The following AAK1 variants were observed in gnomAD, a reference collection of about 807,000 sequenced individuals.
The protein encoded by AAK1 is AP2-associated protein kinase 1.
In AAK1, 37 loss-of-function variants were observed where a neutral mutation model predicts 116.0. That is an observed-to-expected ratio of 0.32 (90% CI 0.25 to 0.42). The LOEUF is 0.42. Ranked by LOEUF, AAK1 falls within the 10% of genes least tolerant of loss-of-function variation. AAK1 has a pLI of 1.00. For missense variants in AAK1, 919 were observed against 1,170.6 expected, an observed-to-expected ratio of 0.79 and a Z score of 3.14; for synonymous variants, 458 against 439.9, an observed-to-expected ratio of 1.04 and a Z score of -0.51.
chr2:69,582,945 A>G (rs1672609161), intron 2 of AAK1, among the ~76,000 whole-genome samples: 1 of 152,182 alleles, frequency 6.6e-6, no homozygotes, highest in Non-Finnish European at 1.5e-5. Context: ...TTGACTGTGC[A>G]GTTACACCCA....
chr2:69,535,352 C>T (rs939993044), intron 5 of AAK1, among the ~76,000 whole-genome samples: 7 of 152,072 alleles, frequency 4.6e-5, no homozygotes, highest in Non-Finnish European at 8.8e-5. Flanking sequence ...TACGTACCCA[C>T]AAAAATTAAA....
intron 17 of AAK1, among the ~76,000 whole-genome samples, chr2:69,495,127 C>T (rs1045655163): frequency 3.3e-5 from 5 of 152,174 alleles, no homozygotes; most frequent in Admixed American, 6.5e-5. Context: ...CTGTCAACTG[C>T]TTCTAAGGAG....
intron 8 of AAK1, among the ~76,000 whole-genome samples, chr2:69,529,584 G>A (rs1159889325): frequency 1.3e-5 from 2 of 152,110 alleles, no homozygotes; most frequent in South Asian, 2.1e-4. Context: ...CTGGTTCCAC[G>A]GAGTTATATA....
chr2:69,482,880 A>G, intron 17 of AAK1, 68 bp from the exon 18 acceptor site: 2 of 961,294 alleles, frequency 2.1e-6, no homozygotes, highest in Non-Finnish European at 1.6e-6. Flanking sequence ...CGGATCATTC[A>G]CTATTCTTTA....
Position 69,475,415 on chromosome 2 carries a change from G to A in AAK1, c.*454C>T. On this transcript the variant is annotated 3_prime_UTR_variant, in exon 22 of 22. Transcript: ENST00000409085. ...GCCATGTCCTCATGATAATGCATCA[G>A]GATAAAAAGCAAAAACAGGGAAATA... 2 of 998,022 alleles carry A rather than the reference G, an allele frequency of 2.0e-6. No individual in the cohort carries two copies. The highest frequency in any genetic ancestry group is 2.4e-6 in the Non-Finnish European group (2 of 837,046). The allele number at this position is 998,022 out of a possible 1,614,324, so 61.8% of individuals were successfully genotyped here.
chr2:69,548,575 T>C (rs1558952611), intron 3 of AAK1, among the ~76,000 whole-genome samples: 2 of 149,924 alleles, frequency 1.3e-5, no homozygotes, highest in Non-Finnish European at 1.5e-5. Context: ...CTTTCTTTCT[T>C]TCTCTCTCTC....
intron 2 of AAK1, among the ~76,000 whole-genome samples, chr2:69,590,229 A>T (rs1672971915): frequency 6.6e-6 from 1 of 152,212 alleles, no homozygotes; most frequent in Non-Finnish European, 1.5e-5. Flanking sequence ...ACTTCAGTAC[A>T]TATCAGAAAT....
In AAK1 at chr2:69,465,797, CAGG is replaced by C. The variant is rs964015097; in HGVS notation, c.*10069_*10071del. ...GGTCTGCTGCTTGTACAGAATGGGA[CAGG>C]AGGTTAGACTGTTGCACAAAACCAG... On this transcript the variant is annotated 3_prime_UTR_variant, in exon 22 of 22. Transcript: ENST00000409085. 2.3e-6 allele frequency: 3 copies of C among 1,290,772 alleles called. No homozygotes were observed. Among genetic ancestry groups the C allele is most frequent in the African/African-American group, 3.0e-5 (2 of 65,912 alleles). 80.0% of individuals were successfully genotyped at this position (1,290,772 alleles called of 1,614,324 possible).
chr2:69,548,224 A>C (rs1188086906), intron 3 of AAK1, among the ~76,000 whole-genome samples: 1 of 152,210 alleles, frequency 6.6e-6, no homozygotes, highest in East Asian at 1.9e-4. Context: ...ATGCTTTAAA[A>C]GGGTAAATTT....
chr2:69,547,211 G>T (rs567939562), intron 3 of AAK1, among the ~76,000 whole-genome samples: 2 of 152,244 alleles, frequency 1.3e-5, no homozygotes, highest in South Asian at 4.1e-4. Context: ...GAGGCAATGG[G>T]TTCTTAGATA....
In AAK1 at chr2:69,509,394, T is replaced by A; in HGVS notation, c.1843A>T (p.Lys615Ter). Residue 615 changes from lysine (K) to a stop codon, truncating the protein, a stop_gained, in exon 14 of 22, where the codon AAA (lysine) becomes TAA (stop). Coordinates refer to ENST00000409085, the MANE Select transcript of AAK1 (RefSeq NM_014911.5). LOFTEE classifies it high-confidence loss of function. ...GAGGGTGGAGTGAGAGATCCAACTT[T>A]CTGCCCCTGGACGGCAGGAGGTGGG... The part of the protein sequence containing the change: ...TTPPPAVQGQ[K>*]VGSLTPPSSP... 1 of 1,614,006 alleles carries A rather than the reference T, an allele frequency of 6.2e-7. No individual in the cohort carries two copies. Among genetic ancestry groups the A allele is most frequent in the Non-Finnish European group, 8.5e-7 (1 of 1,179,890 alleles).
intron 2 of AAK1, chr2:69,598,365 G>C (rs1673399231): frequency 3.1e-6 from 1 of 327,388 alleles, no homozygotes; most frequent in Admixed American, 3.7e-5. Flanking sequence ...GCAGTGTGTT[G>C]GGTTATAAAA....
chr2:69,521,109 G>T, intron 10 of AAK1, 121 bp from the exon 11 acceptor site: 1 of 1,073,084 alleles, frequency 9.3e-7, no homozygotes, highest in Non-Finnish European at 1.4e-6. Flanking sequence ...TTTAATCGAT[G>T]CTTCCCAAAG....
chr2:69,621,437 C>T lies in AAK1; in HGVS notation c.163+21441G>A, dbSNP rs368319047. On this transcript the variant is annotated intron_variant, in intron 2 of 21. Coordinates refer to ENST00000409085, the MANE Select transcript of AAK1 (RefSeq NM_014911.5). Reference sequence around the variant, plus strand: ...GAGGTTGCAGTGAGCTGAGATTGTGCCACTGCACCACTCCAGCCTGGGCGA... The same window carrying T: ...GAGGTTGCAGTGAGCTGAGATTGTGTCACTGCACCACTCCAGCCTGGGCGA... Among the ~76,000 whole-genome samples, 5 of 151,510 alleles carry T rather than the reference C, an allele frequency of 3.3e-5. No individual in the cohort carries two copies. The East Asian group carries it at 9.9e-4, about 30-fold the overall frequency.
intron 2 of AAK1, among the ~76,000 whole-genome samples, chr2:69,589,361 G>A (rs1672925486): frequency 6.6e-6 from 1 of 152,162 alleles, no homozygotes. Flanking sequence ...GCAGGAAAAG[G>A]AGTCCTAGGG....
chr2:69,631,843 G>A (rs1368561835), intron 2 of AAK1, among the ~76,000 whole-genome samples: 1 of 152,092 alleles, frequency 6.6e-6, no homozygotes, highest in African/African-American at 2.4e-5. Flanking sequence ...AGCCAGGTGT[G>A]GTGGTGCGCA....
chr2:69,581,402 G>GT (rs947213937), intron 2 of AAK1, among the ~76,000 whole-genome samples: 16 of 152,202 alleles, frequency 1.1e-4, no homozygotes, highest in Non-Finnish European at 2.1e-4. Context: ...AGCTGGTTTT[G>GT]TTTTTTTAAA....
At chr2:69,530,555 G>A in intron 7 of AAK1, 70 bp downstream of exon 7, 2 of 1,286,266 alleles carry the variant, frequency 1.6e-6, no homozygotes, top group Admixed American at 1.7e-5. Flanking sequence ...AGCGCTGTGT[G>A]CATTAACCTT....
chr2:69,639,415 C>G (rs560035860), intron 2 of AAK1, among the ~76,000 whole-genome samples: 39 of 152,136 alleles, frequency 2.6e-4, no homozygotes, highest in Non-Finnish European at 4.1e-4. Context: ...GGCATCTTTG[C>G]TGAGAAAGCT....
Sources: allele counts gnomAD v4.1 joint callset (sites outside exome capture counted in the v4.1 genomes callset), GRCh38; gene constraint gnomAD v4.1.1; transcripts MANE v1.5; gene names NCBI Gene and HGNC (gene_info 2026-07-23, HGNC 2026-07-21).